Variants in FOXP2 observed in about 807,000 individuals in gnomAD.
FOXP2 encodes forkhead box P2.
FOXP2 carries 12 observed loss-of-function variants against 115.8 expected under a neutral mutation model. The observed-to-expected ratio is 0.10, with a 90% confidence interval of 0.07 to 0.17. FOXP2 has a LOEUF of 0.17. Among genes scored for constraint, FOXP2 ranks in the 10% least tolerant of loss-of-function variants. The pLI is 1.00. For synonymous variants in FOXP2, 328 were observed against 297.7 expected, an observed-to-expected ratio of 1.10 and a Z score of -1.05; for missense variants, 629 against 843.5, an observed-to-expected ratio of 0.75 and a Z score of 3.15.
chr7:114,482,392 T>A (rs901359080), intron 2 of FOXP2, among the ~76,000 whole-genome samples: 1 of 151,592 alleles, frequency 6.6e-6, no homozygotes, highest in Non-Finnish European at 1.5e-5. Context: ...TCAATTGTTA[T>A]GCCAAATTGG....
intron 2 of FOXP2, among the ~76,000 whole-genome samples, chr7:114,508,057 G>A (rs772694367): frequency 6.7e-4 from 102 of 151,878 alleles, no homozygotes; most frequent in Non-Finnish European, 1.3e-3. Context: ...TGAATAAATA[G>A]GACATATTTC....
chr7:114,583,545 T>C, intron 3 of FOXP2, among the ~76,000 whole-genome samples: 1 of 152,166 alleles, frequency 6.6e-6, no homozygotes, highest in Non-Finnish European at 1.5e-5. Flanking sequence ...ACTATCAACA[T>C]TTTTCCCTGT....
chr7:114,480,644 CAT>C (rs1324963701), intron 2 of FOXP2, among the ~76,000 whole-genome samples: 2 of 149,574 alleles, frequency 1.3e-5, no homozygotes, highest in East Asian at 3.9e-4. Flanking sequence ...TATGTATATG[CAT>C]ATGTGTGTAT....
rs532845023 is a variant in FOXP2, at chr7:114,677,181, A to C, written c.2004-12601A>C. Among the ~76,000 whole-genome samples the C allele has an allele frequency of 2.0e-4, 12 of 59,830 alleles. No individual in the cohort carries two copies. The South Asian group carries it at 2.7e-3, about 13-fold the overall frequency. 39.3% of individuals were successfully genotyped at this position (59,830 alleles called of 152,430 possible). A position where few individuals can be genotyped will look rare whatever the true frequency, so the allele number is the denominator to read the frequency against. ...AATCCGTCTCAAAAAACAAAAAAAA[A>C]AAAAACAAAAAAAACAAACTTAAGA... is the stretch of plus-strand genomic sequence containing the variant. On this transcript the variant is annotated intron_variant, in intron 16 of 16. Coordinates refer to ENST00000350908, the MANE Select transcript of FOXP2 (RefSeq NM_014491.4).
intron 16 of FOXP2, among the ~76,000 whole-genome samples, chr7:114,673,436 G>A (rs1188629466): frequency 6.6e-6 from 1 of 152,162 alleles, no homozygotes; most frequent in Non-Finnish European, 1.5e-5. Flanking sequence ...GTCAAATAGA[G>A]TGATAAATCC....
At chr7:114,176,438 A>G (rs530541703) in intron 1 of FOXP2, among the ~76,000 whole-genome samples, 36 of 151,608 alleles carry the variant, frequency 2.4e-4, no homozygotes, top group African/African-American at 8.5e-4. Flanking sequence ...TCCCAGGTTC[A>G]GGCAATCCTC....
At chr7:114,362,575 A>C (rs1408433942) in intron 2 of FOXP2, among the ~76,000 whole-genome samples, 1 of 152,100 alleles carries the variant, frequency 6.6e-6, no homozygotes, top group Admixed American at 6.6e-5. Context: ...AGATGAGCTC[A>C]AGGGGCATAT....
chr7:114,596,308 C>T (rs1343224340), intron 3 of FOXP2, among the ~76,000 whole-genome samples: 1 of 152,032 alleles, frequency 6.6e-6, no homozygotes, highest in East Asian at 1.9e-4. Flanking sequence ...CAAACTTGTG[C>T]AGGCATCCCA....
intron 6 of FOXP2, 47 bp from the exon 7 acceptor site, chr7:114,642,363 T>A: frequency 6.7e-7 from 1 of 1,489,496 alleles, no homozygotes; most frequent in Non-Finnish European, 9.3e-7. Context: ...TTATATAAAC[T>A]TTACCTTTAC....
chr7:114,249,867 T>C (rs182419907), intron 1 of FOXP2, among the ~76,000 whole-genome samples: 99 of 152,200 alleles, frequency 6.5e-4, no homozygotes, highest in African/African-American at 2.4e-3. Context: ...GTTACATATG[T>C]TTACATGTGC....
chr7:114,596,359 G>T (rs1802708639), intron 3 of FOXP2, among the ~76,000 whole-genome samples: 2 of 152,012 alleles, frequency 1.3e-5, no homozygotes, highest in South Asian at 4.1e-4. Flanking sequence ...TGAAAGCTGG[G>T]ATTAAGCTGT....
rs146191926 is a variant in FOXP2, at chr7:114,512,348, G to A, written c.169-22269G>A. 9.2e-4 allele frequency among the ~76,000 whole-genome samples: 140 copies of A among 152,240 alleles called. 1 individual carries two copies. Among genetic ancestry groups the A allele is most frequent in the Non-Finnish European group, 1.6e-3 (106 of 68,020 alleles). ...TTGATAAGAAATTTGTGTTATCATA[G>A]AAACAGTGTTGTGTATGATCCCATA... On this transcript the variant is annotated intron_variant, in intron 2 of 16. Transcript: ENST00000350908.
Position 114,183,472 on chromosome 7 carries a change from C to G in FOXP2, c.-102+20384C>G, listed in dbSNP as rs192571311. The stretch of plus-strand genomic sequence containing the variant: ...AGTTAATTCAAGACTGTTAAGAGAG[C>G]CTTCTTTAGCTGAAAATATGCCAAA... On this transcript the variant is annotated intron_variant, in intron 1 of 17. Coordinates refer to the FOXP2 transcript ENST00000634411. Among the ~76,000 whole-genome samples, 28 of 152,160 alleles carry G rather than the reference C, an allele frequency of 1.8e-4. No individual in the cohort carries two copies. The East Asian group carries it at 3.9e-3, about 21-fold the overall frequency.
chr7:114,408,569 A>C (rs1307467824), intron 2 of FOXP2, among the ~76,000 whole-genome samples: 1 of 152,018 alleles, frequency 6.6e-6, no homozygotes. Context: ...TCTACGAAAA[A>C]TACAAAAATT....
intron 2 of FOXP2, among the ~76,000 whole-genome samples, chr7:114,335,810 A>G (rs991521011): frequency 2.0e-5 from 3 of 151,750 alleles, no homozygotes; most frequent in Non-Finnish European, 4.4e-5. Context: ...TATAATAGGC[A>G]TGAAAAAATG....
At chr7:114,412,941 T>A (rs1049024792), upstream of FOXP2, among the ~76,000 whole-genome samples, 5 of 152,150 alleles carry the variant, frequency 3.3e-5, no homozygotes, top group African/African-American at 1.2e-4. Flanking sequence ...CTTAAAAAAA[T>A]GAATTTACAT....
At chr7:114,453,326 G>A (rs1049595321) in intron 2 of FOXP2, among the ~76,000 whole-genome samples, 1 of 152,010 alleles carries the variant, frequency 6.6e-6, no homozygotes, top group Non-Finnish European at 1.5e-5. Flanking sequence ...GTTGACTGAG[G>A]GGTTAAGCTG....
chr7:114,634,814 T>A (rs1400472180), intron 6 of FOXP2, among the ~76,000 whole-genome samples: 2 of 152,140 alleles, frequency 1.3e-5, no homozygotes, highest in East Asian at 3.8e-4. Flanking sequence ...TTAGGAAAGA[T>A]GAAGTTAACT....
intron 1 of FOXP2, among the ~76,000 whole-genome samples, chr7:114,419,669 A>G (rs1273264357): frequency 6.6e-6 from 1 of 151,572 alleles, no homozygotes; most frequent in African/African-American, 2.4e-5. Flanking sequence ...TTTTGAAACT[A>G]TGCCGTCAAA....
Sources: gnomAD v4.1 joint callset for allele counts (sites outside exome capture counted in the v4.1 genomes callset) on GRCh38, gnomAD v4.1.1 for gene constraint, MANE v1.5 for transcripts, NCBI Gene and HGNC (gene_info 2026-07-23, HGNC 2026-07-21) for gene names.